Variants in CISTR observed in about 807,000 individuals in gnomAD.
The protein encoded by CISTR is chondrogenesis-associated transcript, also known as chondrogenic regulator lncRNA.
exon 2 of CISTR, chr12:53,750,582 T>G (rs1937836971): frequency 6.6e-6 from 1 of 152,538 alleles, no homozygotes; most frequent in Admixed American, 6.5e-5. Context: ...AGTTTGCATG[T>G]TTTTTTCTGT....
intron 2 of CISTR, among the ~76,000 whole-genome samples, chr12:53,747,904 C>A (rs1282814019): frequency 4.6e-5 from 7 of 152,070 alleles, no homozygotes; most frequent in Non-Finnish European, 8.8e-5. Flanking sequence ...ACAACTCTCC[C>A]AAGCAGTTTG....
intron 1 of CISTR, among the ~76,000 whole-genome samples, chr12:53,755,308 G>GGGGTGTGTGT (rs1555168465): frequency 1.4e-5 from 2 of 147,246 alleles, no homozygotes; most frequent in Admixed American, 6.7e-5. Flanking sequence ...TCCTGTTTGG[G>GGGGTGTGTGT]GTGTGTGTGT....
chr12:53,750,222 C>CCT (rs1425425050), intron 2 of CISTR, among the ~76,000 whole-genome samples: 1 of 152,186 alleles, frequency 6.6e-6, no homozygotes, highest in Non-Finnish European at 1.5e-5. Flanking sequence ...CCAGTTAGTT[C>CCT]ATCAGGGAAG....
intron 2 of CISTR, among the ~76,000 whole-genome samples, chr12:53,747,704 GGAGCT>G (rs1937798909): frequency 6.6e-6 from 1 of 152,108 alleles, no homozygotes; most frequent in Middle Eastern, 3.2e-3. Context: ...TGATAAAATA[GGAGCT>G]GACCATTTTA....
chr12:53,748,730 G>A, intron 2 of CISTR, among the ~76,000 whole-genome samples: 1 of 152,184 alleles, frequency 6.6e-6, no homozygotes, highest in South Asian at 2.1e-4. Flanking sequence ...GCCAGGACCA[G>A]GGCCAGGGCC....
chr12:53,746,835 G>T (rs1337539143), exon 3 of CISTR, among the ~76,000 whole-genome samples: 1 of 152,160 alleles, frequency 6.6e-6, no homozygotes, highest in Non-Finnish European at 1.5e-5. Flanking sequence ...CCGCAGAGCC[G>T]CGTTCCTCGC....
intron 2 of CISTR, among the ~76,000 whole-genome samples, chr12:53,749,145 G>A (rs916926516): frequency 3.3e-5 from 5 of 152,006 alleles, no homozygotes; most frequent in African/African-American, 1.2e-4. Context: ...ATGGAAGTTA[G>A]AGAAAGACTG....
intron 1 of CISTR, among the ~76,000 whole-genome samples, chr12:53,755,003 G>T (rs1413885787): frequency 6.6e-6 from 1 of 152,100 alleles, no homozygotes. Flanking sequence ...CATAGGGTGC[G>T]TCCAAATAAT....
At chr12:53,755,856 G>T (rs1937909180) in intron 1 of CISTR, 1 of 152,438 alleles carries the variant, frequency 6.6e-6, no homozygotes, top group African/African-American at 2.4e-5. Flanking sequence ...TCTTCATCTT[G>T]CCCAAGATCC....
At chr12:53,748,697 A>G in intron 2 of CISTR, among the ~76,000 whole-genome samples, 1 of 152,208 alleles carries the variant, frequency 6.6e-6, no homozygotes, top group Non-Finnish European at 1.5e-5. Flanking sequence ...ATGTACCCCG[A>G]GCCAAAGGCA....
chr12:53,750,897 T>A (rs990674516), exon 2 of CISTR: 1 of 152,900 alleles, frequency 6.5e-6, no homozygotes, highest in African/African-American at 2.4e-5. Context: ...TCTGTCTCTC[T>A]CCCTCCACTG....
chr12:53,747,636 G>A (rs558881232), intron 2 of CISTR, among the ~76,000 whole-genome samples: 63 of 152,188 alleles, frequency 4.1e-4, no homozygotes, highest in South Asian at 2.3e-3. Context: ...GTGGTGGGTC[G>A]GGAGGCATAT....
At chr12:53,753,665 G>GCTGTGT (rs1555168386) in intron 1 of CISTR, among the ~76,000 whole-genome samples, 8 of 141,224 alleles carry the variant, frequency 5.7e-5, no homozygotes, top group African/African-American at 2.1e-4. Context: ...AATGCATAGG[G>GCTGTGT]GTGTGTGTGT....
chr12:53,748,692 C>T (rs1041112342), intron 2 of CISTR, among the ~76,000 whole-genome samples: 18 of 152,264 alleles, frequency 1.2e-4, no homozygotes, highest in Non-Finnish European at 2.4e-4. Flanking sequence ...AAGCCATGTA[C>T]CCCGAGCCAA....
chr12:53,746,882 C>T (rs1937788321), intron 2 of CISTR, among the ~76,000 whole-genome samples: 1 of 152,236 alleles, frequency 6.6e-6, no homozygotes, highest in Non-Finnish European at 1.5e-5. Context: ...AAGAAGCGAT[C>T]TTGGGTTTCT....
intron 1 of CISTR, among the ~76,000 whole-genome samples, chr12:53,754,869 A>G (rs1401519470): frequency 6.6e-6 from 1 of 152,108 alleles, no homozygotes; most frequent in East Asian, 1.9e-4. Context: ...CTACTGATTT[A>G]TATGCTGAAT....
chr12:53,751,412 C>A lies in CISTR; in HGVS notation n.415-447G>T, dbSNP rs989311336. 6.6e-6 allele frequency among the ~76,000 whole-genome samples: 1 copy of A among 152,226 alleles called. No individual in the cohort carries two copies. Among genetic ancestry groups the A allele is most frequent in the Non-Finnish European group, 1.5e-5 (1 of 68,032 alleles). On this transcript the variant is annotated intron_variant and non_coding_transcript_variant, in intron 1 of 2. Coordinates refer to ENST00000669269, the Ensembl canonical transcript of CISTR. This position sits in a 1 kb window ranked among gnomAD's most constrained non-coding sequence, Gnocchi z 4.6. ...TCCCCAGCCCTGTCGCCTCCCACCC[C>A]CCTTCCGGCCGCGGCAGTTTCCGAA...
At position 53,756,336 on chromosome 12, in the gene CISTR, G is replaced by C. The variant is rs1406673053; in HGVS notation, n.414+478C>G. On this transcript the variant is annotated intron_variant and non_coding_transcript_variant, in intron 1 of 2. Coordinates refer to ENST00000669269, the Ensembl canonical transcript of CISTR. The surrounding 1 kb of genome is among the most constrained non-coding windows in gnomAD (Gnocchi z 4.0). Reference sequence around the variant, plus strand: ...CTCCCCAAAGTAAGAGAACGGAGTAGAGAGGAGTGGGAAAAGATCTGATTA... The same window carrying C: ...CTCCCCAAAGTAAGAGAACGGAGTACAGAGGAGTGGGAAAAGATCTGATTA... Among the ~76,000 whole-genome samples the C allele has an allele frequency of 1.3e-5, 2 of 152,216 alleles. No individual in the cohort carries two copies. Among genetic ancestry groups the C allele is most frequent in the South Asian group, 2.1e-4 (1 of 4,832 alleles).
intron 1 of CISTR, among the ~76,000 whole-genome samples, chr12:53,755,046 A>C (rs926546698): frequency 2.0e-5 from 3 of 152,322 alleles, no homozygotes; most frequent in Middle Eastern, 3.4e-3. Flanking sequence ...AAGATAAAAC[A>C]GGAGAGGGAG....
Sources: allele counts gnomAD v4.1 joint callset (sites outside exome capture counted in the v4.1 genomes callset), GRCh38; gene constraint gnomAD v4.1.1; non-coding constraint Gnocchi (gnomAD v3.1); transcripts MANE v1.5; gene names NCBI Gene and HGNC (gene_info 2026-07-23, HGNC 2026-07-21).